The following GRID2 variants were observed in gnomAD, a reference collection of about 807,000 sequenced individuals.
GRID2 encodes glutamate ionotropic receptor delta type subunit 2, also known as glutamate receptor ionotropic, delta-2.
Under a neutral mutation model 114.8 loss-of-function variants are expected in GRID2, and 33 were observed. The ratio of observed to expected loss-of-function variants is 0.29; its 90% confidence interval spans 0.22 to 0.38. GRID2 has a LOEUF of 0.38. Ranked by LOEUF, GRID2 falls within the 10% of genes least tolerant of loss-of-function variation. The pLI is 1.00. For synonymous variants in GRID2, 505 were observed against 449.9 expected, an observed-to-expected ratio of 1.12 and a Z score of -1.55; for missense variants, 1,184 against 1,257.7, an observed-to-expected ratio of 0.94 and a Z score of 0.89.
chr4:93,560,222 T>TAAAAAACAAAAAAAAAAAAAAAA (rs1734773217), intron 13 of GRID2, among the ~76,000 whole-genome samples: 1 of 42,946 alleles, frequency 2.3e-5, no homozygotes, highest in Non-Finnish European at 4.0e-5. Context: ...GAACTTAAAG[T>TAAAAAACAAAAAAAAAAAAAAAA]AAAAAAAAAA....
At chr4:93,568,656 G>A (rs1326079972) in intron 13 of GRID2, among the ~76,000 whole-genome samples, 2 of 152,178 alleles carry the variant, frequency 1.3e-5, no homozygotes, top group African/African-American at 2.4e-5. Flanking sequence ...TAAGACAATA[G>A]TCCTTTACAA....
chr4:92,580,622 T>C (rs569567311), intron 1 of GRID2, among the ~76,000 whole-genome samples: 6 of 152,102 alleles, frequency 3.9e-5, no homozygotes, highest in African/African-American at 1.4e-4. Flanking sequence ...CACTATATTA[T>C]TTGTGTGCAA....
chr4:92,754,901 G>A lies in GRID2; in HGVS notation c.244+164615G>A, dbSNP rs150572742. The stretch of plus-strand genomic sequence containing the variant: ...TATCTCATTTTCATTTACATCTATT[G>A]TAAACCAAATAACAGATTTAATATT... On this transcript the variant is annotated intron_variant, in intron 2 of 15. Coordinates refer to ENST00000282020, the MANE Select transcript of GRID2 (RefSeq NM_001510.4). Among the ~76,000 whole-genome samples the A allele has an allele frequency of 2.7e-3, 418 of 152,104 alleles. 3 individuals are homozygous for A. Among genetic ancestry groups the A allele is most frequent in the African/African-American group, 9.7e-3 (403 of 41,504 alleles).
chr4:93,038,628 A>G (rs1725164756), intron 2 of GRID2, among the ~76,000 whole-genome samples: 1 of 151,892 alleles, frequency 6.6e-6, no homozygotes, highest in East Asian at 1.9e-4. Flanking sequence ...GTCTCTACTA[A>G]AAAATACAAA....
At chr4:93,543,838 C>T (rs1282586786) in intron 13 of GRID2, among the ~76,000 whole-genome samples, 1 of 151,964 alleles carries the variant, frequency 6.6e-6, no homozygotes. Flanking sequence ...GGCCTTTGGG[C>T]GACCTTGAAA....
intron 13 of GRID2, among the ~76,000 whole-genome samples, chr4:93,560,245 A>C (rs1734787015): frequency 6.7e-6 from 1 of 149,798 alleles, no homozygotes; most frequent in South Asian, 2.1e-4. Context: ...AAAAAAAAAA[A>C]AAAAAAAACA....
intron 1 of GRID2, among the ~76,000 whole-genome samples, chr4:92,357,570 A>G (rs1728389049): frequency 6.6e-6 from 1 of 151,810 alleles, no homozygotes; most frequent in Non-Finnish European, 1.5e-5. Context: ...ATCATTTAGT[A>G]TGTTACACTT....
chr4:93,156,332 A>G (rs905184750), intron 4 of GRID2, among the ~76,000 whole-genome samples: 1 of 151,842 alleles, frequency 6.6e-6, no homozygotes, highest in African/African-American at 2.4e-5. Flanking sequence ...AATTAGTAAA[A>G]GATTTTGTTA....
chr4:92,861,583 T>A (rs961271374), intron 2 of GRID2, among the ~76,000 whole-genome samples: 3 of 152,102 alleles, frequency 2.0e-5, no homozygotes, highest in South Asian at 2.1e-4. Context: ...ATTGCTTTTT[T>A]AAATTTTGTC....
At chr4:93,679,954 CA>C (rs1289829561) in intron 14 of GRID2, among the ~76,000 whole-genome samples, 1 of 150,362 alleles carries the variant, frequency 6.7e-6, no homozygotes, top group Non-Finnish European at 1.5e-5. Flanking sequence ...AAATAGAGAC[CA>C]AAAAAACCTT....
chr4:92,994,777 C>T (rs1164611065), intron 2 of GRID2, among the ~76,000 whole-genome samples: 2 of 152,186 alleles, frequency 1.3e-5, no homozygotes, highest in Non-Finnish European at 2.9e-5. Context: ...CAGTCTTTCA[C>T]ATTGGTGCCA....
At chr4:92,427,542 G>C (rs1732219785) in intron 1 of GRID2, among the ~76,000 whole-genome samples, 1 of 152,076 alleles carries the variant, frequency 6.6e-6, no homozygotes, top group Non-Finnish European at 1.5e-5. Context: ...ATGGTCCCTA[G>C]ACCTTCTATT....
intron 14 of GRID2, among the ~76,000 whole-genome samples, chr4:93,725,810 G>A (rs192136497): frequency 0.055 from 8,329 of 151,984 alleles, 750 homozygotes; most frequent in African/African-American, 0.19. Flanking sequence ...CATGTCCTTC[G>A]CCCACTTGTT....
intron 4 of GRID2, among the ~76,000 whole-genome samples, chr4:93,170,083 A>G (rs573677269): frequency 1.1e-4 from 17 of 152,168 alleles, no homozygotes; most frequent in South Asian, 4.1e-4. Context: ...ACATCATCAC[A>G]TAACCATTTT....
chr4:93,213,157 G>T (rs1298416062), intron 5 of GRID2, among the ~76,000 whole-genome samples: 1 of 152,092 alleles, frequency 6.6e-6, no homozygotes, highest in Non-Finnish European at 1.5e-5. Context: ...GTTTAATGAT[G>T]AATTGAACTG....
At chr4:93,084,898 TA>T in intron 2 of GRID2, 96 bp from the exon 3 acceptor site, 1 of 844,968 alleles carries the variant, frequency 1.2e-6, no homozygotes, top group African/African-American at 1.7e-5. Flanking sequence ...CATAGCTATA[TA>T]AAAAATCTGT....
chr4:93,792,050 G>A (rs184782043), intron 1 of GRID2, among the ~76,000 whole-genome samples: 69 of 151,748 alleles, frequency 4.5e-4, no homozygotes, highest in Admixed American at 7.2e-4. Context: ...TGTAGATGGT[G>A]GTATTTTGTG....
At chr4:93,593,380 G>T (rs1738628822) in intron 13 of GRID2, among the ~76,000 whole-genome samples, 1 of 133,458 alleles carries the variant, frequency 7.5e-6, no homozygotes. Flanking sequence ...TTGAATATTG[G>T]CCCCCACTCT....
chr4:92,560,689 C>T (rs1727062657), intron 1 of GRID2, among the ~76,000 whole-genome samples: 1 of 152,012 alleles, frequency 6.6e-6, no homozygotes, highest in Non-Finnish European at 1.5e-5. Context: ...CTTGTTGAAG[C>T]CCACCTTCTA....
Sources: gnomAD v4.1 joint callset for allele counts (sites outside exome capture counted in the v4.1 genomes callset) on GRCh38, gnomAD v4.1.1 for gene constraint, MANE v1.5 for transcripts, NCBI Gene and HGNC (gene_info 2026-07-23, HGNC 2026-07-21) for gene names.